BORCS5: variants seen among roughly 807,000 people sequenced by gnomAD.
BORCS5 encodes the protein BLOC-1-related complex subunit 5.
BORCS5 carries 17 observed loss-of-function variants against 22.1 expected under a neutral mutation model. The ratio of observed to expected loss-of-function variants is 0.77; its 90% CI spans 0.53 to 1.15. BORCS5 has a LOEUF of 1.15. Among genes scored for constraint, BORCS5 ranks in the 50% most tolerant of loss-of-function variants. The pLI is 0.00. For synonymous variants in BORCS5, 117 were observed against 99.8 expected (o/e 1.17, Z -1.03); for missense variants, 247 against 253.2 (o/e 0.98, Z 0.17).
chr12:12,467,286 G>A lies in BORCS5; in HGVS notation c.*1510G>A, dbSNP rs542298431. The A allele has an allele frequency of 6.6e-6, 1 of 152,312 alleles. No homozygotes were observed. The highest frequency in any genetic ancestry group is 1.9e-4 in the East Asian group (1 of 5,184). 9.4% of individuals were successfully genotyped at this position (152,312 alleles called of 1,614,324 possible). On this transcript the variant is annotated 3_prime_UTR_variant, in exon 4 of 4. Coordinates refer to ENST00000314565, the MANE Select transcript of BORCS5 (RefSeq NM_058169.6). ...TTGTAGCTTCGAGGAATGAAGGGCTGTTTACAGAGCTACAAAAATAGCTTA... is the reference window on the plus strand; with the variant it reads ...TTGTAGCTTCGAGGAATGAAGGGCTATTTACAGAGCTACAAAAATAGCTTA...
chr12:12,462,781 C>G (rs1198814705), intron 3 of BORCS5, among the ~76,000 whole-genome samples: 1 of 152,128 alleles, frequency 6.6e-6, no homozygotes, highest in Non-Finnish European at 1.5e-5. Context: ...CTCAGCCTCC[C>G]AAGTAGTTGG....
intron 2 of BORCS5, among the ~76,000 whole-genome samples, chr12:12,366,374 T>G (rs1440241344): frequency 1.3e-5 from 2 of 152,230 alleles, no homozygotes; most frequent in Admixed American, 1.3e-4. Flanking sequence ...GTTTGCATTT[T>G]TAATAAGCAA....
At chr12:12,462,125 C>T (rs943783079) in intron 3 of BORCS5, among the ~76,000 whole-genome samples, 1 of 152,170 alleles carries the variant, frequency 6.6e-6, no homozygotes, top group African/African-American at 2.4e-5. Context: ...TGGCACATGG[C>T]ACGTGATGCT....
At chr12:12,417,899 C>G (rs976877938) in intron 2 of BORCS5, among the ~76,000 whole-genome samples, 13 of 152,168 alleles carry the variant, frequency 8.5e-5, no homozygotes, top group African/African-American at 3.1e-4. Flanking sequence ...GCCTTAGCCT[C>G]TCACAGTGCT....
chr12:12,361,412 T>C, intron 2 of BORCS5, 63 bp downstream of exon 2: 1 of 1,562,782 alleles, frequency 6.4e-7, no homozygotes, highest in Non-Finnish European at 8.8e-7. Flanking sequence ...CCTACTACTT[T>C]CCCTCTACTT....
chr12:12,454,267 A>C (rs751075066), intron 3 of BORCS5, among the ~76,000 whole-genome samples: 2 of 152,266 alleles, frequency 1.3e-5, no homozygotes, highest in East Asian at 3.8e-4. Context: ...CTGCTCTTCA[A>C]AATGACTGTC....
intron 2 of BORCS5, among the ~76,000 whole-genome samples, chr12:12,409,270 T>C (rs1276947725): frequency 6.6e-6 from 1 of 152,166 alleles, no homozygotes; most frequent in African/African-American, 2.4e-5. Flanking sequence ...GTGCACAACG[T>C]GCAGGTTTGT....
At chr12:12,390,872 G>GC (rs1160467378) in intron 2 of BORCS5, among the ~76,000 whole-genome samples, 1 of 151,990 alleles carries the variant, frequency 6.6e-6, no homozygotes, top group East Asian at 1.9e-4. Flanking sequence ...CTCCCAAAGT[G>GC]CTAGGAGTAC....
At chr12:12,460,431 A>G (rs991588405) in intron 3 of BORCS5, among the ~76,000 whole-genome samples, 8 of 152,206 alleles carry the variant, frequency 5.3e-5, no homozygotes, top group Non-Finnish European at 1.2e-4. Context: ...TTATCATGTC[A>G]TCTGCAGATA....
intron 2 of BORCS5, among the ~76,000 whole-genome samples, chr12:12,422,927 T>C (rs769772539): frequency 6.6e-6 from 1 of 151,280 alleles, no homozygotes; most frequent in Non-Finnish European, 1.5e-5. Flanking sequence ...CTACAAACCA[T>C]GGTTACAAAA....
At chr12:12,454,800 C>T (rs1049584752) in intron 3 of BORCS5, among the ~76,000 whole-genome samples, 10 of 152,188 alleles carry the variant, frequency 6.6e-5, no homozygotes, top group African/African-American at 1.9e-4. Flanking sequence ...CATATATTAT[C>T]TCATTATAAC....
intron 2 of BORCS5, among the ~76,000 whole-genome samples, chr12:12,425,778 C>A (rs756024985): frequency 6.6e-6 from 1 of 152,138 alleles, no homozygotes; most frequent in Non-Finnish European, 1.5e-5. Flanking sequence ...GGAATGAGAT[C>A]ATTTCTTTGC....
intron 1 of BORCS5, among the ~76,000 whole-genome samples, chr12:12,359,221 A>T (rs939605820): frequency 4.6e-5 from 7 of 152,116 alleles, no homozygotes; most frequent in Non-Finnish European, 1.0e-4. Context: ...CCTAGAATGG[A>T]CTTACTGGCT....
At chr12:12,423,034 C>T (rs2136107373) in intron 2 of BORCS5, among the ~76,000 whole-genome samples, 1 of 151,464 alleles carries the variant, frequency 6.6e-6, no homozygotes, top group Admixed American at 6.6e-5. Context: ...TGGAGTCTCA[C>T]TCTGTCACCT....
At chr12:12,371,145 T>A (rs2417182) in intron 2 of BORCS5, among the ~76,000 whole-genome samples, 3 of 152,108 alleles carry the variant, frequency 2.0e-5, no homozygotes, top group Admixed American at 6.5e-5. Flanking sequence ...CTTCCATGTC[T>A]CCAGCTCTAG....
intron 2 of BORCS5, among the ~76,000 whole-genome samples, chr12:12,433,404 C>T (rs1942480256): frequency 6.6e-6 from 1 of 150,700 alleles, no homozygotes; most frequent in South Asian, 2.1e-4. Context: ...CTTGGGAAGC[C>T]AAGGTGGGAG....
chr12:12,447,090 T>A (rs1942804173), intron 3 of BORCS5, among the ~76,000 whole-genome samples: 1 of 152,218 alleles, frequency 6.6e-6, no homozygotes, highest in Non-Finnish European at 1.5e-5. Context: ...ACGAATTCTC[T>A]CTTTGCCCTT....
At position 12,384,308 on chromosome 12, in the gene BORCS5, C is replaced by T. The variant is rs1351607145; in HGVS notation, c.202+22959C>T. Among the ~76,000 whole-genome samples, 7 of 150,404 alleles carry T rather than the reference C, an allele frequency of 4.7e-5. 1 individual carries two copies. The Admixed American group carries it at 4.7e-4, about 10-fold the overall frequency. On this transcript the variant is annotated intron_variant, in intron 2 of 3. Transcript: ENST00000314565. The stretch of plus-strand genomic sequence containing the variant: ...GCTTTTTAAAATATATATATAATTT[C>T]TGTCTCCTTATAGGGAATCTGAATT...
chr12:12,457,771 A>T (rs896249042), intron 3 of BORCS5, among the ~76,000 whole-genome samples: 11 of 152,338 alleles, frequency 7.2e-5, no homozygotes, highest in East Asian at 3.9e-4. Flanking sequence ...GCTCTGGCTC[A>T]ATCTTGAACC....
Sources: allele counts gnomAD v4.1 joint callset (sites outside exome capture counted in the v4.1 genomes callset), GRCh38; gene constraint gnomAD v4.1.1; transcripts MANE v1.5; gene names NCBI Gene and HGNC (gene_info 2026-07-23, HGNC 2026-07-21).